Variants in SORL1 observed in about 807,000 individuals in gnomAD.
SORL1 encodes the protein sortilin-related receptor.
Under a neutral mutation model 273.7 loss-of-function variants are expected in SORL1, and 127 were observed. That is an observed-to-expected ratio of 0.46 (90% CI 0.40 to 0.54). The LOEUF is 0.54. SORL1 is among the 20% of genes least tolerant of loss of function. The pLI is 0.00. For synonymous variants in SORL1, 1,031 were observed against 1,067.4 expected (o/e 0.97, Z 0.66); for missense variants, 2,494 against 2,846.1 (o/e 0.88, Z 2.81).
At position 121,633,367 on chromosome 11, in the gene SORL1, C is replaced by A. The variant is rs1863901705; in HGVS notation, c.*3804C>A. The A allele has an allele frequency of 6.6e-6, 1 of 152,100 alleles. No homozygotes were observed. The highest frequency in any genetic ancestry group is 2.4e-5 in the African/African-American group (1 of 41,404). The allele number at this position is 152,100 out of a possible 1,614,324, so 9.4% of individuals were successfully genotyped here. Reference sequence around the variant, plus strand: ...AATAAGCATGAATGCTGGAGTGGACCATTATCCTCAAATATTCTATGTCAC... The same window carrying A: ...AATAAGCATGAATGCTGGAGTGGACAATTATCCTCAAATATTCTATGTCAC... On this transcript the variant is annotated 3_prime_UTR_variant, in exon 48 of 48. Coordinates refer to ENST00000260197, the MANE Select transcript of SORL1 (RefSeq NM_003105.6).
chr11:121,513,134 A>C, intron 7 of SORL1, 30 bp downstream of exon 7: 1 of 1,481,290 alleles, frequency 6.8e-7, no homozygotes, highest in Non-Finnish European at 9.4e-7. Context: ...GGATGGGAAG[A>C]AGTATCATTG....
chr11:121,461,630 G>C (rs978443924), intron 1 of SORL1, among the ~76,000 whole-genome samples: 1 of 152,240 alleles, frequency 6.6e-6, no homozygotes, highest in Non-Finnish European at 1.5e-5. Context: ...GAAAGTGCTA[G>C]AAAACAGTGT....
chr11:121,577,137 T>C, intron 24 of SORL1, 144 bp from the exon 25 acceptor site: 1 of 1,203,078 alleles, frequency 8.3e-7, no homozygotes, highest in Non-Finnish European at 1.2e-6. Flanking sequence ...CTTTTGTCCC[T>C]GGTAAAAGTC....
At chr11:121,589,069 G>C (rs1247110776) in intron 28 of SORL1, among the ~76,000 whole-genome samples, 190 bp from the exon 29 acceptor site, 2 of 152,206 alleles carry the variant, frequency 1.3e-5, no homozygotes, top group Non-Finnish European at 2.9e-5. Context: ...AAAGATTCAT[G>C]GAATGGATTA....
At position 121,589,249 on chromosome 11, in the gene SORL1, C is replaced by T. The variant is rs985329336; in HGVS notation, c.3947-10C>T. 4.3e-6 allele frequency: 7 copies of T among 1,612,382 alleles called. No homozygotes were observed. The highest frequency in any genetic ancestry group is 5.9e-6 in the Non-Finnish European group (7 of 1,178,602). ...TTCCTGGACTTCATGGATGTTTGTT[C>T]CCTCTGTAGCCCAAGATCCTGAGTT... On this transcript the variant is annotated splice_polypyrimidine_tract_variant and intron_variant, in intron 28 of 47. Coordinates refer to ENST00000260197, the MANE Select transcript of SORL1 (RefSeq NM_003105.6).
intron 36 of SORL1, 61 bp from the exon 37 acceptor site, chr11:121,607,125 A>G: frequency 8.7e-7 from 1 of 1,156,028 alleles, no homozygotes; most frequent in Non-Finnish European, 1.3e-6. Context: ...TCCTTGCAAG[A>G]TATTAGGATG....
intron 11 of SORL1, among the ~76,000 whole-genome samples, chr11:121,529,055 CTGT>C (rs1389458229): frequency 2.0e-5 from 3 of 152,134 alleles, no homozygotes; most frequent in East Asian, 1.9e-4. Flanking sequence ...TTTTGAGTCT[CTGT>C]TGTTAAGTGT....
At chr11:121,588,266 C>A (rs1240225350) in intron 28 of SORL1, 115 bp downstream of exon 28, 1 of 1,267,132 alleles carries the variant, frequency 7.9e-7, no homozygotes, top group Non-Finnish European at 1.1e-6. Context: ...GGTTGAGTGT[C>A]GAGGGTTTGA....
intron 1 of SORL1, among the ~76,000 whole-genome samples, chr11:121,461,641 C>T (rs1591543613): frequency 6.6e-6 from 1 of 152,154 alleles, no homozygotes; most frequent in East Asian, 1.9e-4. Flanking sequence ...AAAACAGTGT[C>T]GCCTCTGGGC....
At chr11:121,611,338 C>T in intron 39 of SORL1, 180 bp downstream of exon 39, 1 of 505,926 alleles carries the variant, frequency 2.0e-6, no homozygotes. Flanking sequence ...TGAAGAACAA[C>T]TTGAGTCTTC....
In SORL1 at chr11:121,574,249, A is replaced by T; in HGVS notation, c.3346A>T (p.Ile1116Phe). 1 of 1,613,812 alleles carries T rather than the reference A, an allele frequency of 6.2e-7. No homozygotes were observed. The highest frequency in any genetic ancestry group is 8.5e-7 in the Non-Finnish European group (1 of 1,179,742). Residue 1116 changes from isoleucine (I) to phenylalanine (F), a missense_variant, in exon 24 of 48, where the codon ATC (isoleucine) becomes TTC (phenylalanine). By Grantham distance (21) the Ile-to-Phe change is conservative. This residue lies in a region of SORL1 where 1,609 missense variants were observed against 1,816.4 expected (regional missense o/e 0.89). Coordinates refer to ENST00000260197, the MANE Select transcript of SORL1 (RefSeq NM_003105.6). Reference sequence around the variant, plus strand: ...TTTCTATCCCATTTTAGCTACCACCATCTGTGACCTGGACACCCAGTTTCG... The same window carrying T: ...TTTCTATCCCATTTTAGCTACCACCTTCTGTGACCTGGACACCCAGTTTCG... ...MSDERNCPTT[I>F]CDLDTQFRCQ...
At chr11:121,498,931 C>CT (rs1477955455) in intron 6 of SORL1, among the ~76,000 whole-genome samples, 1 of 151,640 alleles carries the variant, frequency 6.6e-6, no homozygotes, top group African/African-American at 2.4e-5. Flanking sequence ...CCATTCTAGT[C>CT]TAACAGCTAT....
chr11:121,570,296 G>A lies in SORL1; in HGVS notation c.3337+26G>A, dbSNP rs116658765. 4.9e-4 allele frequency: 766 copies of A among 1,554,336 alleles called. 5 individuals are homozygous for A. The African/African-American group carries it at 9.1e-3, about 18-fold the overall frequency. On this transcript the variant is annotated intron_variant, in intron 23 of 47. Coordinates refer to ENST00000260197, the MANE Select transcript of SORL1 (RefSeq NM_003105.6). ...GTGAGTCTTCTGGATTGGACGTTAA[G>A]CACTTACCATTACTCAGAAGCCTGG...
Position 121,477,707 on chromosome 11 carries a change from C to T in SORL1, c.403-411C>T, listed in dbSNP as rs188306628. ...CCTATCAGGCACCTAATGGGAGCCA[C>T]GTTCAGGATCCAGGATGGGATGTTT... On this transcript the variant is annotated intron_variant, in intron 2 of 47. Coordinates refer to ENST00000260197, the MANE Select transcript of SORL1 (RefSeq NM_003105.6). 1.2e-3 allele frequency among the ~76,000 whole-genome samples: 180 copies of T among 152,170 alleles called. 1 individual carries two copies. The highest frequency in any genetic ancestry group is 5.7e-4 in the Non-Finnish European group (39 of 67,996).
At chr11:121,465,486 T>TCAAA (rs912637794) in intron 1 of SORL1, among the ~76,000 whole-genome samples, 4 of 151,714 alleles carry the variant, frequency 2.6e-5, no homozygotes, top group Non-Finnish European at 4.4e-5. Flanking sequence ...ATTCATTGTT[T>TCAAA]CCCAAAGAAG....
chr11:121,574,142 G>A (rs1862889144), intron 23 of SORL1, 99 bp from the exon 24 acceptor site: 2 of 1,194,242 alleles, frequency 1.7e-6, no homozygotes, highest in East Asian at 2.4e-5. Context: ...ATTAATACCT[G>A]CTTTCTTCTA....
intron 5 of SORL1, 87 bp from the exon 6 acceptor site, chr11:121,496,782 T>A: frequency 9.0e-7 from 1 of 1,106,064 alleles, no homozygotes; most frequent in East Asian, 2.5e-5. Context: ...AGGCCTAAAC[T>A]CTAGTTGATT....
At position 121,523,179 on chromosome 11, in the gene SORL1, C is replaced by T. The variant is rs543077487; in HGVS notation, c.1596+190C>T. Reference sequence around the variant, plus strand: ...ATCCACAGTTACTTTAAATTAAACACAGACCTTTGCAAATGTGTGAATTTT... The same window carrying T: ...ATCCACAGTTACTTTAAATTAAACATAGACCTTTGCAAATGTGTGAATTTT... On this transcript the variant is annotated intron_variant, in intron 11 of 47. Transcript: ENST00000260197. Among the ~76,000 whole-genome samples the T allele has an allele frequency of 3.3e-5, 5 of 152,318 alleles. No homozygotes were observed. In the South Asian group the frequency reaches 1.0e-3, roughly 32 times the overall value.
intron 3 of SORL1, among the ~76,000 whole-genome samples, chr11:121,481,969 A>C (rs1382509647): frequency 6.6e-6 from 1 of 152,114 alleles, no homozygotes; most frequent in African/African-American, 2.4e-5. Context: ...CCCCTAGTGC[A>C]CAGATACCTA....
Sources: allele counts gnomAD v4.1 joint callset (sites outside exome capture counted in the v4.1 genomes callset), GRCh38; gene constraint gnomAD v4.1.1; regional missense constraint gnomAD v4.1.1; transcripts MANE v1.5; gene names NCBI Gene and HGNC (gene_info 2026-07-23, HGNC 2026-07-21).